The following TRANK1 variants were observed in gnomAD, a reference collection of about 807,000 sequenced individuals.
The protein encoded by TRANK1 is TPR and ankyrin repeat-containing protein 1.
In TRANK1, 198 loss-of-function variants were observed where a neutral mutation model predicts 266.0. That is an observed-to-expected ratio of 0.74 (90% CI 0.66 to 0.84). The LOEUF (loss-of-function observed/expected upper bound fraction) is 0.84. Among genes scored for constraint, TRANK1 ranks in the 40% least tolerant of loss-of-function variants. The probability of loss-of-function intolerance (pLI) is 0.00; values close to 1 mark genes in which losing one functional copy is unlikely to be tolerated. For missense variants in TRANK1, 3,326 were observed against 3,634.6 expected (o/e 0.92, Z 2.18); for synonymous variants, 1,396 against 1,384.1 (o/e 1.01, Z -0.19).
intron 1 of TRANK1, among the ~76,000 whole-genome samples, chr3:36,934,935 C>T (rs1361980091): frequency 2.6e-5 from 4 of 152,152 alleles, no homozygotes; most frequent in Non-Finnish European, 5.9e-5. Flanking sequence ...GGCTGGATTA[C>T]TGCAAAATTG....
intron 1 of TRANK1, among the ~76,000 whole-genome samples, chr3:36,910,886 A>G (rs1243727983): frequency 6.6e-6 from 1 of 152,212 alleles, no homozygotes; most frequent in Admixed American, 6.5e-5. Context: ...CCCGGCCAAC[A>G]TGGTGAAACC....
chr3:36,910,416 G>A (rs879393786), intron 1 of TRANK1, among the ~76,000 whole-genome samples: 6 of 152,114 alleles, frequency 3.9e-5, no homozygotes, highest in South Asian at 2.1e-4. Flanking sequence ...TAGAAGATCC[G>A]TATGTTAGAA....
At chr3:36,914,359 T>G (rs2080096211) in intron 1 of TRANK1, among the ~76,000 whole-genome samples, 1 of 151,828 alleles carries the variant, frequency 6.6e-6, no homozygotes, top group African/African-American at 2.4e-5. Flanking sequence ...GGTCTTGAAC[T>G]CCTGAGCTCA....
chr3:36,875,520 T>C (rs2079374892), intron 8 of TRANK1, among the ~76,000 whole-genome samples: 1 of 152,196 alleles, frequency 6.6e-6, no homozygotes, highest in Non-Finnish European at 1.5e-5. Context: ...AGCCAACACC[T>C]TCAGCCTTGC....
intron 1 of TRANK1, among the ~76,000 whole-genome samples, chr3:36,922,734 C>A (rs1037656166): frequency 6.6e-6 from 1 of 151,804 alleles, no homozygotes. Flanking sequence ...CGAGATCACA[C>A]CACTGCACTC....
chr3:36,913,536 T>C (rs2080083529), intron 1 of TRANK1, among the ~76,000 whole-genome samples: 1 of 151,986 alleles, frequency 6.6e-6, no homozygotes, highest in Non-Finnish European at 1.5e-5. Flanking sequence ...CTCTTAAAAG[T>C]GACTCTTTCC....
chr3:36,869,587 G>A (rs1274342812), intron 9 of TRANK1, among the ~76,000 whole-genome samples: 1 of 152,206 alleles, frequency 6.6e-6, no homozygotes. Flanking sequence ...GATTAGGATG[G>A]GGAAGGATTA....
chr3:36,850,569 G>T, intron 15 of TRANK1: 1 of 895,804 alleles, frequency 1.1e-6, no homozygotes, highest in Non-Finnish European at 1.3e-6. Context: ...AGGAGTTTGA[G>T]ACCAGCCTGG....
intron 8 of TRANK1, chr3:36,880,531 A>AGTC (rs2079515374): frequency 5.5e-6 from 1 of 181,594 alleles, no homozygotes; most frequent in Non-Finnish European, 1.2e-5. Flanking sequence ...TTCTTCAGGT[A>AGTC]ACCAAGCATT....
intron 1 of TRANK1, among the ~76,000 whole-genome samples, chr3:36,925,686 G>A (rs1177916238): frequency 6.6e-6 from 1 of 151,762 alleles, no homozygotes; most frequent in African/African-American, 2.4e-5. Context: ...TGCCTCTCGG[G>A]TTCAAGCAAT....
At position 36,944,878 on chromosome 3, in the gene TRANK1, C is replaced by A. The variant is rs1159719198; in HGVS notation, c.-69G>T. On this transcript the variant is annotated 5_prime_UTR_variant, in exon 1 of 24. Coordinates refer to ENST00000645898, the MANE Select transcript of TRANK1 (RefSeq NM_001329998.2). ...GAAGCGCTTCCCTGTGGGCAGGGCG[C>A]GGCGGGCAGTGCGGAAGCCCGAAAG... 2.9e-6 allele frequency: 4 copies of A among 1,375,360 alleles called. No individual in the cohort carries two copies. The highest frequency in any genetic ancestry group is 6.2e-5 in the East Asian group (2 of 32,282). The allele number at this position is 1,375,360 out of a possible 1,614,324, so 85.2% of individuals were successfully genotyped here.
chr3:36,835,462 G>A (rs2078759208), intron 20 of TRANK1, among the ~76,000 whole-genome samples: 1 of 151,716 alleles, frequency 6.6e-6, no homozygotes, highest in African/African-American at 2.4e-5. Flanking sequence ...AGATCTAAAT[G>A]TGGAAACTAC....
chr3:36,882,549 C>T (rs1040953551), intron 8 of TRANK1, among the ~76,000 whole-genome samples: 1 of 152,158 alleles, frequency 6.6e-6, no homozygotes, highest in Non-Finnish European at 1.5e-5. Context: ...CTACAGGCAC[C>T]TGAAGAAAAT....
chr3:36,844,292 T>C (rs1001253432), intron 17 of TRANK1, among the ~76,000 whole-genome samples: 4 of 152,166 alleles, frequency 2.6e-5, no homozygotes, highest in Non-Finnish European at 4.4e-5. Flanking sequence ...AGTGGCACAA[T>C]CTTGGGTTAC....
intron 7 of TRANK1, 104 bp downstream of exon 7, chr3:36,892,097 GT>G: frequency 7.9e-7 from 1 of 1,260,876 alleles, no homozygotes; most frequent in Non-Finnish European, 1.1e-6. Flanking sequence ...TATTCAAATG[GT>G]CTGCATTCAA....
In TRANK1 at chr3:36,903,278, G is replaced by A. The variant is rs1559464397; in HGVS notation, c.156-3C>T. 2.0e-6 allele frequency: 3 copies of A among 1,536,900 alleles called. No homozygotes were observed. Among genetic ancestry groups the A allele is most frequent in the Admixed American group, 3.9e-5 (2 of 50,984 alleles). On this transcript the variant is annotated splice_polypyrimidine_tract_variant and splice_region_variant and intron_variant, in intron 2 of 23. Transcript: ENST00000645898. ...CAGCCAAGTCCCTCGGGGGAACCCT[G>A]TAAGAACAAACCGGTGGTCTGTCAT...
In TRANK1 at chr3:36,833,865, A is replaced by C. The variant is rs376840538; in HGVS notation, c.5718T>G (p.Ser1906=). The C allele has an allele frequency of 3.7e-5, 60 of 1,613,922 alleles. 1 individual carries two copies. Among genetic ancestry groups the C allele is most frequent in the East Asian group, 3.6e-4 (16 of 44,890 alleles). Residue 1906 remains serine, a synonymous_variant, in exon 22 of 24, where the codon TCT becomes TCG. Transcript: ENST00000645898. ...CAGCTTCCAAGTAAAACTGACTGGC[A>C]GAATAGGAGAGCTTGGAAATGGGAA... ...KTLPISKLSY[S]ASQFYLEAAA...
chr3:36,852,927 T>G (rs547456080), intron 13 of TRANK1, among the ~76,000 whole-genome samples: 1 of 152,056 alleles, frequency 6.6e-6, no homozygotes, highest in Non-Finnish European at 1.5e-5. Context: ...CAGTGCTGCA[T>G]GTGAGCTAAG....
Position 36,838,659 on chromosome 3 carries a change from C to T in TRANK1, c.5338G>A (p.Ala1780Thr), listed in dbSNP as rs1230658582. 2 of 1,613,802 alleles carry T rather than the reference C, an allele frequency of 1.2e-6. No individual in the cohort carries two copies. Among genetic ancestry groups the T allele is most frequent in the African/African-American group, 1.3e-5 (1 of 74,928 alleles). ...TTCATGCTCAGGGCAGTGTCATGGGCCAGGGCCAACTTCTCCTTCTCAAAT... is the reference window on the plus strand; with the variant it reads ...TTCATGCTCAGGGCAGTGTCATGGGTCAGGGCCAACTTCTCCTTCTCAAAT... ...GAFEKEKLAL[A>T]HDTALSMKSK... Residue 1780 changes from alanine (A) to threonine (T), a missense_variant, in exon 19 of 24, where the codon GCC (alanine) becomes ACC (threonine). By Grantham distance (58) the Ala-to-Thr change is moderately conservative (BLOSUM62 0). Coordinates refer to ENST00000645898, the MANE Select transcript of TRANK1 (RefSeq NM_001329998.2).
Sources: gnomAD v4.1 joint callset for allele counts (sites outside exome capture counted in the v4.1 genomes callset) on GRCh38, gnomAD v4.1.1 for gene constraint, MANE v1.5 for transcripts, NCBI Gene and HGNC (gene_info 2026-07-23, HGNC 2026-07-21) for gene names.